The following CPD variants were observed in gnomAD, a reference collection of about 807,000 sequenced individuals.
The protein encoded by CPD is metallocarboxypeptidase D.
A neutral mutation model predicts 138.3 loss-of-function variants in CPD; 69 were observed. The observed-to-expected ratio is 0.50, with a 90% CI of 0.41 to 0.61. The LOEUF (loss-of-function observed/expected upper bound fraction) is 0.61. Ranked by LOEUF, CPD falls within the 20% of genes least tolerant of loss-of-function variation. The probability of loss-of-function intolerance (pLI) is 0.00; values close to 1 mark genes in which losing one functional copy is unlikely to be tolerated. For synonymous variants in CPD, 651 were observed against 642.1 expected (o/e 1.01, Z -0.21); for missense variants, 1,432 against 1,733.3 (o/e 0.83, Z 3.09).
At chr17:30,426,394 T>A (rs1390436630) in intron 6 of CPD, among the ~76,000 whole-genome samples, 1 of 152,166 alleles carries the variant, frequency 6.6e-6, no homozygotes, top group Non-Finnish European at 1.5e-5. Context: ...TCAAAGATAG[T>A]TTGATGGACA....
chr17:30,397,059 A>G (rs1402988498), intron 2 of CPD, among the ~76,000 whole-genome samples: 1 of 152,172 alleles, frequency 6.6e-6, no homozygotes, highest in Non-Finnish European at 1.5e-5. Flanking sequence ...GCACTAAAAC[A>G]AAAGGAACAA....
At chr17:30,439,386 GTTAC>G (rs1291086103) in intron 9 of CPD, among the ~76,000 whole-genome samples, 1 of 105,780 alleles carries the variant, frequency 9.5e-6, no homozygotes, top group Non-Finnish European at 1.9e-5. Flanking sequence ...TCTTTACAAC[GTTAC>G]TTTCTTTTTT....
intron 2 of CPD, among the ~76,000 whole-genome samples, chr17:30,413,718 A>G (rs1912027418): frequency 6.6e-6 from 1 of 152,244 alleles, no homozygotes; most frequent in South Asian, 2.1e-4. Flanking sequence ...AGTAGATAGT[A>G]AACACAGTAG....
Position 30,379,356 on chromosome 17 carries a change from C to T in CPD, c.376C>T (p.Leu126=), listed in dbSNP as rs780728361. The T allele has an allele frequency of 3.9e-5, 58 of 1,500,654 alleles. No homozygotes were observed. The highest frequency in any genetic ancestry group is 1.8e-4 in the Middle Eastern group (1 of 5,666). 93.0% of individuals were successfully genotyped at this position (1,500,654 alleles called of 1,614,324 possible). ...CGGGCCCGACGCTGCGGGGCCGCTG[C>T]TGCCCGGCCGGCCCCAGGTGAAGCT... ...AAGPDAAGPL[L]PGRPQVKLVG... Residue 126 remains leucine, a synonymous_variant, in exon 1 of 21, where the codon CTG becomes TTG. Coordinates refer to ENST00000225719, the MANE Select transcript of CPD (RefSeq NM_001304.5). The surrounding 1 kb of genome is among the most constrained non-coding windows in gnomAD (Gnocchi z 7.0).
At chr17:30,436,520 T>A (rs770493605) in intron 8 of CPD, among the ~76,000 whole-genome samples, 1 of 152,220 alleles carries the variant, frequency 6.6e-6, no homozygotes, top group Non-Finnish European at 1.5e-5. Context: ...CATGAAAAGA[T>A]GCTCAATATT....
At chr17:30,423,049 T>C in intron 5 of CPD, 26 bp downstream of exon 5, 1 of 1,515,952 alleles carries the variant, frequency 6.6e-7, no homozygotes, top group Non-Finnish European at 9.0e-7. Context: ...TTACACATAA[T>C]TTCAGTAGTG....
chr17:30,450,501 G>A (rs910359073), intron 13 of CPD, among the ~76,000 whole-genome samples: 1 of 152,088 alleles, frequency 6.6e-6, no homozygotes, highest in Admixed American at 6.6e-5. Context: ...TGGACATCTT[G>A]GCTGCTAAGA....
chr17:30,417,823 A>AT (rs199741108), intron 2 of CPD, among the ~76,000 whole-genome samples: 13 of 151,334 alleles, frequency 8.6e-5, no homozygotes, highest in South Asian at 2.1e-4. Flanking sequence ...ATGAAATGCC[A>AT]TTTTTTTTTA....
chr17:30,443,763 G>A (rs1172537487), intron 10 of CPD, 39 bp from the exon 11 acceptor site: 1 of 1,535,512 alleles, frequency 6.5e-7, no homozygotes, highest in South Asian at 1.2e-5. Flanking sequence ...AGATGATGAT[G>A]TTTATTATTG....
At chr17:30,431,907 G>T in intron 8 of CPD, 26 bp downstream of exon 8, 1 of 1,426,626 alleles carries the variant, frequency 7.0e-7, no homozygotes, top group Non-Finnish European at 9.8e-7. Flanking sequence ...AATATAAAAT[G>T]TTACAAAATT....
In CPD at chr17:30,469,736, T is replaced by G. The variant is rs1157496653; in HGVS notation, c.*4922T>G. 1 of 152,208 alleles carries G rather than the reference T, an allele frequency of 6.6e-6. No homozygotes were observed. Among genetic ancestry groups the G allele is most frequent in the Non-Finnish European group, 1.5e-5 (1 of 68,030 alleles). 9.4% of individuals were successfully genotyped at this position (152,208 alleles called of 1,614,324 possible). A position where few individuals can be genotyped will look rare whatever the true frequency, so the allele number is the denominator to read the frequency against. On this transcript the variant is annotated 3_prime_UTR_variant, in exon 21 of 21. Coordinates refer to ENST00000225719, the MANE Select transcript of CPD (RefSeq NM_001304.5). ...AAGATGCTTCATATTTGTTTTTAAA[T>G]GAAATTAAGTTGTATTTATGCTTCT... is the stretch of plus-strand genomic sequence containing the variant.
chr17:30,446,014 T>C lies in CPD; in HGVS notation c.2867T>C (p.Leu956Pro). ...ATGAACTATCCACATATTACAAATC[T>C]TACCAAGTAAGTGTCACTTTCTATT... ...LVMNYPHITN[L>P]TNLGQSTEYR... The change falls in exon 12 of 21, where the codon CTT becomes CCT. Residue 956 changes from leucine (L) to proline (P), a missense_variant. Coordinates refer to ENST00000225719, the MANE Select transcript of CPD (RefSeq NM_001304.5). 6.3e-7 allele frequency: 1 copy of C among 1,584,310 alleles called. No individual in the cohort carries two copies. The highest frequency in any genetic ancestry group is 8.6e-7 in the Non-Finnish European group (1 of 1,166,354).
intron 9 of CPD, 63 bp downstream of exon 9, chr17:30,439,140 C>T (rs1479015055): frequency 2.3e-6 from 2 of 851,954 alleles, no homozygotes; most frequent in Non-Finnish European, 3.7e-6. Flanking sequence ...CTAGATGGTG[C>T]TTCTTGTTAT....
chr17:30,449,272 T>C (rs1913104858), intron 12 of CPD, among the ~76,000 whole-genome samples: 1 of 152,050 alleles, frequency 6.6e-6, no homozygotes, highest in South Asian at 2.1e-4. Context: ...AGGGCAAATA[T>C]TGTGATGATT....
intron 1 of CPD, among the ~76,000 whole-genome samples, chr17:30,382,567 A>G (rs1279298014): frequency 6.6e-6 from 1 of 152,216 alleles, no homozygotes; most frequent in Admixed American, 6.5e-5. Context: ...GTACTTTCAA[A>G]ACTGTGTAAT....
intron 2 of CPD, among the ~76,000 whole-genome samples, chr17:30,416,346 T>C (rs1597717520): frequency 1.3e-5 from 2 of 152,026 alleles, no homozygotes; most frequent in South Asian, 2.1e-4. Context: ...AAAAAGAAAA[T>C]GTTCTAGAGC....
At chr17:30,415,851 C>T (rs1912091578) in intron 2 of CPD, among the ~76,000 whole-genome samples, 1 of 152,132 alleles carries the variant, frequency 6.6e-6, no homozygotes, top group East Asian at 1.9e-4. Flanking sequence ...ATGGCTGAAC[C>T]TTAGGGATAT....
intron 2 of CPD, among the ~76,000 whole-genome samples, chr17:30,406,880 A>G (rs1239621988): frequency 6.6e-6 from 1 of 152,128 alleles, no homozygotes; most frequent in Non-Finnish European, 1.5e-5. Flanking sequence ...TTTGTTACAT[A>G]GGTATACATG....
At chr17:30,457,197 C>G (rs967812147) in intron 17 of CPD, among the ~76,000 whole-genome samples, 2 of 152,162 alleles carry the variant, frequency 1.3e-5, no homozygotes, top group African/African-American at 4.8e-5. Context: ...TTTGCCTATT[C>G]TAGGTATTTC....
Sources: gnomAD v4.1 joint callset for allele counts (sites outside exome capture counted in the v4.1 genomes callset) on GRCh38, gnomAD v4.1.1 for gene constraint, Gnocchi (gnomAD v3.1) non-coding constraint, MANE v1.5 for transcripts, NCBI Gene and HGNC (gene_info 2026-07-23, HGNC 2026-07-21) for gene names.